Variants in GRM8 observed in about 807,000 individuals in gnomAD.
The protein encoded by GRM8 is metabotropic glutamate receptor 8.
In GRM8, 47 loss-of-function variants were observed where a neutral mutation model predicts 87.2. That is an observed-to-expected ratio of 0.54 (90% confidence interval 0.43 to 0.69). The LOEUF is 0.69. GRM8 is among the 30% of genes least tolerant of loss of function. The probability of loss-of-function intolerance (pLI) is 0.00; values close to 1 mark genes in which losing one functional copy is unlikely to be tolerated. For synonymous variants in GRM8, 396 were observed against 404.5 expected (o/e 0.98, Z 0.25); for missense variants, 1,019 against 1,139.2 (o/e 0.89, Z 1.52).
chr7:126,729,017 C>T (rs915797929), intron 7 of GRM8, among the ~76,000 whole-genome samples: 1 of 126,788 alleles, frequency 7.9e-6, no homozygotes, highest in Admixed American at 8.0e-5. Flanking sequence ...TAAGTAGCAG[C>T]TTCCTTCACT....
At chr7:126,676,091 A>T (rs1364914403) in intron 7 of GRM8, among the ~76,000 whole-genome samples, 1 of 152,214 alleles carries the variant, frequency 6.6e-6, no homozygotes, top group African/African-American at 2.4e-5. Flanking sequence ...ATACACTGAT[A>T]ACAACCAAAC....
intron 6 of GRM8, among the ~76,000 whole-genome samples, chr7:126,899,495 C>A (rs1370882914): frequency 1.3e-5 from 2 of 152,166 alleles, no homozygotes; most frequent in Non-Finnish European, 2.9e-5. Context: ...ATCTCCTCCA[C>A]AGAGCTTTGG....
At chr7:126,787,129 T>C (rs1407646037) in intron 6 of GRM8, among the ~76,000 whole-genome samples, 1 of 152,124 alleles carries the variant, frequency 6.6e-6, no homozygotes, top group African/African-American at 2.4e-5. Flanking sequence ...AAGTGCCCAA[T>C]ACCATCAAAA....
At chr7:126,843,176 TG>T (rs1435251936) in intron 6 of GRM8, among the ~76,000 whole-genome samples, 2 of 152,206 alleles carry the variant, frequency 1.3e-5, no homozygotes, top group Non-Finnish European at 2.9e-5. Context: ...TATGAAGTGT[TG>T]GGATTTCAGC....
intron 8 of GRM8, among the ~76,000 whole-genome samples, chr7:126,539,379 T>G (rs1816270302): frequency 6.6e-6 from 1 of 152,030 alleles, no homozygotes; most frequent in Admixed American, 6.5e-5. Context: ...TTGATCTGCA[T>G]ACATATTCAA....
chr7:126,736,299 T>G (rs1300868549), intron 7 of GRM8, among the ~76,000 whole-genome samples: 3 of 152,094 alleles, frequency 2.0e-5, no homozygotes, highest in Non-Finnish European at 4.4e-5. Context: ...TTTAAATTCT[T>G]AAGCCATTTT....
At chr7:126,645,810 T>C (rs1046817141) in intron 7 of GRM8, among the ~76,000 whole-genome samples, 20 of 152,186 alleles carry the variant, frequency 1.3e-4, no homozygotes, top group Non-Finnish European at 2.8e-4. Flanking sequence ...TTCTTAGCCA[T>C]CTGGCTCTCT....
intron 3 of GRM8, among the ~76,000 whole-genome samples, chr7:127,055,423 G>T (rs555240553): frequency 6.6e-6 from 1 of 152,160 alleles, no homozygotes; most frequent in Non-Finnish European, 1.5e-5. Context: ...GTTCTCCCAT[G>T]TTGGGTAGAG....
At chr7:126,631,000 C>G (rs535004032) in intron 7 of GRM8, among the ~76,000 whole-genome samples, 1 of 152,188 alleles carries the variant, frequency 6.6e-6, no homozygotes, top group South Asian at 2.1e-4. Context: ...CTTACCATTC[C>G]TACTCAACAC....
intron 3 of GRM8, among the ~76,000 whole-genome samples, chr7:127,003,822 A>G (rs150675332): frequency 3.3e-5 from 5 of 151,878 alleles, no homozygotes; most frequent in African/African-American, 1.2e-4. Flanking sequence ...TAACAGAGAG[A>G]TAATCCAACT....
At chr7:126,492,498 A>T (rs1249286498) in intron 9 of GRM8, among the ~76,000 whole-genome samples, 1 of 152,054 alleles carries the variant, frequency 6.6e-6, no homozygotes, top group Non-Finnish European at 1.5e-5. Flanking sequence ...TGACTTACAC[A>T]AGGGCATGGT....
At position 127,090,444 on chromosome 7, in the gene GRM8, T is replaced by G. The variant is rs76490470; in HGVS notation, c.727+16052A>C. 7.9e-3 allele frequency among the ~76,000 whole-genome samples: 1,205 copies of G among 152,304 alleles called. 10 individuals carry two copies. Among genetic ancestry groups the G allele is most frequent in the Non-Finnish European group, 0.012 (839 of 68,026 alleles). On this transcript the variant is annotated intron_variant, in intron 3 of 10. Coordinates refer to ENST00000339582, the MANE Select transcript of GRM8 (RefSeq NM_000845.3). ...ATCTCATGTTACATACCTGGAACAT[T>G]CCAAACCAATTGAAAGAGGAATAAT...
intron 8 of GRM8, among the ~76,000 whole-genome samples, chr7:126,560,031 T>C (rs1231430379): frequency 2.6e-5 from 4 of 152,218 alleles, no homozygotes; most frequent in Non-Finnish European, 5.9e-5. Context: ...GATAGAAACC[T>C]GCATTGTAGA....
At chr7:127,187,093 T>A (rs984044623) in intron 2 of GRM8, among the ~76,000 whole-genome samples, 7 of 152,258 alleles carry the variant, frequency 4.6e-5, no homozygotes, top group South Asian at 4.2e-4. Flanking sequence ...AATGCATCCA[T>A]CTCCTCAGAC....
intron 7 of GRM8, among the ~76,000 whole-genome samples, chr7:126,721,445 T>A (rs938427776): frequency 6.6e-6 from 1 of 152,186 alleles, no homozygotes; most frequent in African/African-American, 2.4e-5. Context: ...AATGCATGCT[T>A]CCATGACCTT....
intron 6 of GRM8, among the ~76,000 whole-genome samples, chr7:126,852,666 AG>A: frequency 6.6e-6 from 1 of 152,308 alleles, no homozygotes; most frequent in African/African-American, 2.4e-5. Context: ...ATTTTCTTTA[AG>A]AGAATTTTCA....
At chr7:126,594,673 T>C (rs919322951) in intron 8 of GRM8, among the ~76,000 whole-genome samples, 14 of 152,224 alleles carry the variant, frequency 9.2e-5, no homozygotes, top group Middle Eastern at 3.4e-3. Context: ...ATAGTGACTA[T>C]AGATAATAAT....
At chr7:126,870,649 C>T (rs1799013860) in intron 6 of GRM8, 1 of 152,122 alleles carries the variant, frequency 6.6e-6, no homozygotes, top group Admixed American at 6.6e-5. Context: ...AGAACACACA[C>T]AAAATTTCTC....
At chr7:127,129,188 T>A (rs1483662376) in intron 2 of GRM8, among the ~76,000 whole-genome samples, 1 of 152,212 alleles carries the variant, frequency 6.6e-6, no homozygotes. Flanking sequence ...CTAACATTTT[T>A]AATAAATCTA....
Sources: allele counts gnomAD v4.1 joint callset (sites outside exome capture counted in the v4.1 genomes callset), GRCh38; gene constraint gnomAD v4.1.1; transcripts MANE v1.5; gene names NCBI Gene and HGNC (gene_info 2026-07-23, HGNC 2026-07-21).